PLEKHA7: variants seen among roughly 807,000 people sequenced by gnomAD.
PLEKHA7 encodes pleckstrin homology domain-containing family A member 7.
PLEKHA7 carries 104 observed loss-of-function variants against 170.0 expected under a neutral mutation model. That is an observed-to-expected ratio of 0.61 (90% CI 0.52 to 0.72). The LOEUF (loss-of-function observed/expected upper bound fraction) is 0.72. Ranked by LOEUF, PLEKHA7 falls within the 30% of genes least tolerant of loss-of-function variation. The pLI, the probability that PLEKHA7 is intolerant of heterozygous loss-of-function variation, is 0.00. For missense variants in PLEKHA7, 1,615 were observed against 1,671.7 expected (o/e 0.97, Z 0.59); for synonymous variants, 648 against 660.8 (o/e 0.98, Z 0.30).
intron 3 of PLEKHA7, among the ~76,000 whole-genome samples, chr11:16,885,923 G>A (rs959895566): frequency 6.6e-6 from 1 of 152,010 alleles, no homozygotes; most frequent in Admixed American, 6.6e-5. Context: ...CTTGAAACCA[G>A]GAGGCAGAGG....
chr11:16,811,134 T>G (rs973676723), intron 13 of PLEKHA7, among the ~76,000 whole-genome samples: 3 of 152,154 alleles, frequency 2.0e-5, no homozygotes, highest in African/African-American at 7.2e-5. Context: ...TTCTATGATC[T>G]TGAAATAAAA....
At position 16,911,099 on chromosome 11, in the gene PLEKHA7, C is replaced by T. The variant is rs145195804; in HGVS notation, c.222-39917G>A. ...AGGGATTGTGCATTTTTAACAAGCA[C>T]CCAAGAGGAATCTGTTATAGGTGAT... On this transcript the variant is annotated intron_variant, in intron 3 of 26. Coordinates refer to ENST00000531066, the MANE Select transcript of PLEKHA7 (RefSeq NM_001329630.2). Among the ~76,000 whole-genome samples, 1,132 of 152,276 alleles carry T rather than the reference C, an allele frequency of 7.4e-3. 6 individuals are homozygous for T. Among genetic ancestry groups the T allele is most frequent in the Non-Finnish European group, 0.013 (905 of 68,026 alleles).
intron 4 of PLEKHA7, among the ~76,000 whole-genome samples, chr11:16,864,982 G>A (rs1854268741): frequency 6.6e-6 from 1 of 152,112 alleles, no homozygotes; most frequent in African/African-American, 2.4e-5. Context: ...CCTTCTTGAA[G>A]ACTTTTACCA....
In PLEKHA7 at chr11:16,956,195, A is replaced by AT. The variant is rs755627546; in HGVS notation, c.221+57793dup. ...TACACATACGTACCTATTTTGTTTT[A>AT]TTTTTTAGAAACAGGGCTGTGCTAT... On this transcript the variant is annotated intron_variant, in intron 3 of 26. Transcript: ENST00000531066. 4.6e-5 allele frequency among the ~76,000 whole-genome samples: 7 copies of AT among 152,142 alleles called. No homozygotes were observed. The South Asian group carries it at 1.5e-3, about 32-fold the overall frequency.
In PLEKHA7 at chr11:16,970,919, C is replaced by T. The variant is rs148862940; in HGVS notation, c.221+43070G>A. Reference sequence around the variant, plus strand: ...CTTCTTGGGGCTTTTCTCTGCCTTCCTAATTATACAATAAATAGGTCATCT... The same window carrying T: ...CTTCTTGGGGCTTTTCTCTGCCTTCTTAATTATACAATAAATAGGTCATCT... On this transcript the variant is annotated intron_variant, in intron 3 of 26. Transcript: ENST00000531066. Among the ~76,000 whole-genome samples the T allele has an allele frequency of 6.9e-3, 1,046 of 152,210 alleles. 14 individuals are homozygous for T. Among genetic ancestry groups the T allele is most frequent in the African/African-American group, 0.023 (962 of 41,502 alleles).
intron 9 of PLEKHA7, among the ~76,000 whole-genome samples, chr11:16,838,964 G>A (rs948034917): frequency 1.3e-5 from 2 of 152,128 alleles, no homozygotes; most frequent in African/African-American, 4.8e-5. Context: ...GGGATTACAG[G>A]TGTGAGCCAC....
intron 3 of PLEKHA7, among the ~76,000 whole-genome samples, chr11:16,962,395 T>C (rs1423803921): frequency 1.3e-5 from 2 of 152,216 alleles, no homozygotes; most frequent in Non-Finnish European, 2.9e-5. Flanking sequence ...ATCTCCACTG[T>C]GCAACACTCA....
intron 3 of PLEKHA7, among the ~76,000 whole-genome samples, chr11:16,871,536 G>GA (rs1195642685): frequency 6.6e-6 from 1 of 152,132 alleles, no homozygotes; most frequent in Non-Finnish European, 1.5e-5. Context: ...GCTAAAACAA[G>GA]AATGAAGGAA....
chr11:16,841,615 C>T lies in PLEKHA7; in HGVS notation c.804G>A (p.Glu268=), dbSNP rs267602798. The change falls in exon 9 of 27, where the codon GAG becomes GAA. Residue 268 remains glutamate, a synonymous_variant. Coordinates refer to ENST00000531066, the MANE Select transcript of PLEKHA7 (RefSeq NM_001329630.2). ...RTYYFSADTQ[E]DMNAWVRAMN... ...TGGCCCTGACCCAAGCGTTCATGTC[C>T]TCCTGGGTGTCGGCACTGAAGTAGT... 4.3e-6 allele frequency: 7 copies of T among 1,614,138 alleles called. No individual in the cohort carries two copies. Among genetic ancestry groups the T allele is most frequent in the South Asian group, 1.1e-5 (1 of 91,076 alleles).
intron 13 of PLEKHA7, among the ~76,000 whole-genome samples, chr11:16,810,978 T>G (rs374487866): frequency 1.1e-4 from 17 of 152,286 alleles, no homozygotes; most frequent in Middle Eastern, 3.4e-3. Context: ...TAAAATAACT[T>G]AATAGAAGTA....
intron 3 of PLEKHA7, among the ~76,000 whole-genome samples, chr11:16,929,757 C>T (rs1378894973): frequency 6.6e-6 from 1 of 152,158 alleles, no homozygotes; most frequent in Admixed American, 6.5e-5. Context: ...GTAATCCCAG[C>T]ACTTTGGGAG....
intron 3 of PLEKHA7, among the ~76,000 whole-genome samples, chr11:16,992,483 A>G (rs145874514): frequency 5.0e-4 from 76 of 152,340 alleles, no homozygotes; most frequent in Middle Eastern, 3.4e-3. Context: ...GGCTGGGTGC[A>G]GTGGCTCACG....
At chr11:16,869,736 T>C (rs1046631447) in intron 4 of PLEKHA7, among the ~76,000 whole-genome samples, 2 of 152,232 alleles carry the variant, frequency 1.3e-5, no homozygotes, top group African/African-American at 2.4e-5. Context: ...AATGAGTATA[T>C]TGAATTTATT....
At chr11:16,880,315 G>GGT (rs1350387140) in intron 3 of PLEKHA7, among the ~76,000 whole-genome samples, 5 of 152,190 alleles carry the variant, frequency 3.3e-5, no homozygotes, top group Non-Finnish European at 5.9e-5. Context: ...GCCACACACT[G>GGT]GTAGTGCATG....
Position 17,014,301 on chromosome 11 carries a change from G to A in PLEKHA7, c.86+15C>T, listed in dbSNP as rs368375112. ...CCCACCCGCGTCCCCGCGTCCCCGG[G>A]TCCTCGCGCCGCACTTGATGAAGAA... On this transcript the variant is annotated intron_variant, in intron 1 of 26. Transcript: ENST00000531066. 2,484 of 1,437,944 alleles carry A rather than the reference G, an allele frequency of 1.7e-3. 16 individuals carry two copies. The African/African-American group carries it at 0.018, about 10-fold the overall frequency. 89.1% of individuals were successfully genotyped at this position (1,437,944 alleles called of 1,614,324 possible).
At chr11:16,861,485 T>A (rs935159293) in intron 4 of PLEKHA7, among the ~76,000 whole-genome samples, 1 of 151,868 alleles carries the variant, frequency 6.6e-6, no homozygotes, top group African/African-American at 2.4e-5. Flanking sequence ...CCCGTCTCTA[T>A]GAAAAATACA....
Position 16,801,001 on chromosome 11 carries a change from C to T in PLEKHA7, c.2382G>A (p.Glu794=), listed in dbSNP as rs1456075092. 5.0e-6 allele frequency: 8 copies of T among 1,614,120 alleles called. No individual in the cohort carries two copies. The highest frequency in any genetic ancestry group is 6.8e-6 in the Non-Finnish European group (8 of 1,180,024). Residue 794 remains glutamate (E), a synonymous_variant, in exon 17 of 27, where the codon GAG becomes GAA. Transcript: ENST00000531066. ...GGAAAAAAAAGGCTCTTCTGTGTTG[C>T]TCCTGCAGGGTCTGCTTCAGCTGTT... ...DVEQLKQTLQ[E]QHRRAFFFQE...
chr11:16,884,610 G>A (rs1855940204), intron 3 of PLEKHA7, among the ~76,000 whole-genome samples: 1 of 151,444 alleles, frequency 6.6e-6, no homozygotes. Context: ...ACTCCAGCCT[G>A]GACAACAGAG....
chr11:16,803,666 A>T (rs1463665861), intron 13 of PLEKHA7: 1 of 217,590 alleles, frequency 4.6e-6, no homozygotes, highest in Admixed American at 5.3e-5. Flanking sequence ...TGAACGTGGG[A>T]ACAAACACAA....
Sources: gnomAD v4.1 joint callset for allele counts (sites outside exome capture counted in the v4.1 genomes callset) on GRCh38, gnomAD v4.1.1 for gene constraint, MANE v1.5 for transcripts, NCBI Gene and HGNC (gene_info 2026-07-23, HGNC 2026-07-21) for gene names.